CGNL1: variants seen among roughly 807,000 people sequenced by gnomAD.
CGNL1 encodes cingulin-like protein 1.
In CGNL1, 132 loss-of-function variants were observed where a neutral mutation model predicts 141.2. That is an observed-to-expected ratio of 0.93 (90% CI 0.81 to 1.08). The LOEUF is 1.08. CGNL1 is among the 50% of genes least tolerant of loss of function. The pLI is 0.00. For missense variants in CGNL1, 1,870 were observed against 1,588.6 expected (o/e 1.18, Z -3.01); for synonymous variants, 690 against 622.1 (o/e 1.11, Z -1.63).
At chr15:57,512,960 T>A (rs75299028) in intron 8 of CGNL1, among the ~76,000 whole-genome samples, 1 of 149,798 alleles carries the variant, frequency 6.7e-6, no homozygotes, top group Non-Finnish European at 1.5e-5. Flanking sequence ...TTTTTTTTTT[T>A]AAACAGCTGT....
chr15:57,518,550 G>A (rs1018827565), intron 10 of CGNL1, 53 bp downstream of exon 10: 6 of 1,213,792 alleles, frequency 4.9e-6, no homozygotes, highest in Non-Finnish European at 7.2e-6. Flanking sequence ...GCATAGAGAC[G>A]CAACACCAGA....
intron 11 of CGNL1, 104 bp downstream of exon 11, chr15:57,523,745 A>G: frequency 1.2e-5 from 15 of 1,220,022 alleles, no homozygotes; most frequent in Non-Finnish European, 1.7e-5. Flanking sequence ...CAGTAGGTCT[A>G]AGCACAAAAG....
rs554022471 is a variant in CGNL1, at chr15:57,521,865, G to A, written c.2716-1624G>A. 2.8e-4 allele frequency among the ~76,000 whole-genome samples: 43 copies of A among 152,208 alleles called. No homozygotes were observed. In the South Asian group the frequency reaches 6.9e-3, roughly 24 times the overall value. On this transcript the variant is annotated intron_variant, in intron 10 of 18. Coordinates refer to ENST00000281282, the MANE Select transcript of CGNL1 (RefSeq NM_032866.5). The stretch of plus-strand genomic sequence containing the variant: ...GGCTGGGGGATTCCTTTGGGGAGGG[G>A]GTTGAGTTGGATCCTGAAGGTTCTA...
chr15:57,438,247 A>T lies in CGNL1; in HGVS notation c.248A>T (p.Asn83Ile). 1 of 1,614,102 alleles carries T rather than the reference A, an allele frequency of 6.2e-7. No individual in the cohort carries two copies. The highest frequency in any genetic ancestry group is 1.1e-5 in the South Asian group (1 of 91,078). Residue 83 changes from asparagine (N) to isoleucine (I), a missense_variant, in exon 2 of 19, where the codon AAC becomes ATC. Asn to Ile is a moderately radical substitution (Grantham distance 149, BLOSUM62 -3). Coordinates refer to ENST00000281282, the MANE Select transcript of CGNL1 (RefSeq NM_032866.5). ...CCCTTTCCACCTCCAGTGATAAATAACCTGCCTCTACATTCCAGCAATGGT... is the reference window on the plus strand; with the variant it reads ...CCCTTTCCACCTCCAGTGATAAATATCCTGCCTCTACATTCCAGCAATGGT... ...GPPFPPPVIN[N>I]LPLHSSNGSV...
At chr15:57,504,138 T>C (rs1197118050) in intron 8 of CGNL1, among the ~76,000 whole-genome samples, 8 of 152,132 alleles carry the variant, frequency 5.3e-5, no homozygotes. Flanking sequence ...ATAATGATGA[T>C]GAGGGTTAGC....
chr15:57,471,523 C>T (rs1279601060), intron 8 of CGNL1, among the ~76,000 whole-genome samples: 2 of 152,208 alleles, frequency 1.3e-5, no homozygotes, highest in East Asian at 1.9e-4. Flanking sequence ...AATTCACAGG[C>T]AGCGTGCGGA....
intron 18 of CGNL1, 45 bp downstream of exon 18, chr15:57,546,284 A>G: frequency 6.6e-7 from 1 of 1,513,462 alleles, no homozygotes; most frequent in Non-Finnish European, 8.9e-7. Flanking sequence ...ATCTCCCCAC[A>G]GTTGAGACAG....
Position 57,516,931 on chromosome 15 carries a change from T to A in CGNL1, c.2555T>A (p.Ile852Asn). ...AGAGTTGCTCAGCTTCAAAGGCAGA[T>A]CGAGGACCTGAAAGGCGATGAAGCC... is the stretch of plus-strand genomic sequence containing the variant. ...ERRVAQLQRQ[I>N]EDLKGDEAKA... The change falls in exon 9 of 19, where the codon ATC becomes AAC. Residue 852 changes from isoleucine (I) to asparagine (N), a missense_variant. By Grantham distance (149) the Ile-to-Asn change is moderately radical. Coordinates refer to ENST00000281282, the MANE Select transcript of CGNL1 (RefSeq NM_032866.5). 6.2e-7 allele frequency: 1 copy of A among 1,613,516 alleles called. No individual in the cohort carries two copies. The highest frequency in any genetic ancestry group is 8.5e-7 in the Non-Finnish European group (1 of 1,180,000).
rs542528430 is a variant in CGNL1, at chr15:57,500,415, C to T, written c.2404-16365C>T. ...CATCAAGGCCATCAACTTCCCGCCACGGCTGAGATGTCCCTGTGTGACTTT... is the reference window on the plus strand; with the variant it reads ...CATCAAGGCCATCAACTTCCCGCCATGGCTGAGATGTCCCTGTGTGACTTT... On this transcript the variant is annotated intron_variant, in intron 8 of 18. Transcript: ENST00000281282. Among the ~76,000 whole-genome samples, 10 of 152,306 alleles carry T rather than the reference C, an allele frequency of 6.6e-5. No homozygotes were observed. The South Asian group carries it at 1.0e-3, about 16-fold the overall frequency.
chr15:57,446,169 C>G (rs77486743), intron 4 of CGNL1, among the ~76,000 whole-genome samples: 1,849 of 152,268 alleles, frequency 0.012, 45 homozygotes, highest in African/African-American at 0.042. Context: ...ACTTAGCAAA[C>G]AGATAAGTCT....
intron 4 of CGNL1, among the ~76,000 whole-genome samples, chr15:57,443,978 A>T (rs2063221930): frequency 6.6e-6 from 1 of 152,174 alleles, no homozygotes; most frequent in Non-Finnish European, 1.5e-5. Context: ...TATAAAGTAA[A>T]TTACACAAAT....
chr15:57,518,602 G>A, intron 10 of CGNL1, 105 bp downstream of exon 10: 1 of 755,462 alleles, frequency 1.3e-6, no homozygotes, highest in African/African-American at 1.7e-5. Flanking sequence ...TTTCCATGTA[G>A]CTCCCTTTCA....
chr15:57,426,120 A>C lies in CGNL1; in HGVS notation c.-15-11865A>C, dbSNP rs945117481. Among the ~76,000 whole-genome samples, 9 of 152,022 alleles carry C rather than the reference A, an allele frequency of 5.9e-5. No homozygotes were observed. In the East Asian group the frequency reaches 1.6e-3, roughly 26 times the overall value. The stretch of plus-strand genomic sequence containing the variant: ...CAGAGAGGAAGGGATTCTGCACTTA[A>C]GAAATGGCGCTAAGAAGAAGAAGAC... On this transcript the variant is annotated intron_variant, in intron 1 of 18. Coordinates refer to ENST00000281282, the MANE Select transcript of CGNL1 (RefSeq NM_032866.5).
intron 4 of CGNL1, among the ~76,000 whole-genome samples, chr15:57,445,385 C>T (rs1198798688): frequency 6.6e-6 from 1 of 152,188 alleles, no homozygotes; most frequent in Non-Finnish European, 1.5e-5. Flanking sequence ...TACTCCTCTT[C>T]CCTCCCTCTT....
rs80017669 is a variant in CGNL1, at chr15:57,472,659, C to T, written c.2403+10767C>T. Among the ~76,000 whole-genome samples, 697 of 152,180 alleles carry T rather than the reference C, an allele frequency of 4.6e-3. 5 individuals carry two copies. The highest frequency in any genetic ancestry group is 7.2e-3 in the Non-Finnish European group (488 of 68,018). ...TTACCTGTCCCTGTCTCTCCTGACTCCTGTGGAGAAAGGGATGGGAATAGG... is the reference window on the plus strand; with the variant it reads ...TTACCTGTCCCTGTCTCTCCTGACTTCTGTGGAGAAAGGGATGGGAATAGG... On this transcript the variant is annotated intron_variant, in intron 8 of 18. Transcript: ENST00000281282.
intron 1 of CGNL1, among the ~76,000 whole-genome samples, chr15:57,413,638 T>C (rs1414093031): frequency 4.6e-5 from 7 of 152,226 alleles, no homozygotes. Flanking sequence ...TTCTCTTTTC[T>C]TTTAAAAAAT....
intron 14 of CGNL1, among the ~76,000 whole-genome samples, chr15:57,540,028 G>C (rs1196505053): frequency 6.6e-6 from 1 of 152,066 alleles, no homozygotes; most frequent in East Asian, 1.9e-4. Context: ...TATGATTTTG[G>C]GTCCTGTGTG....
At chr15:57,503,866 A>G (rs969724281) in intron 8 of CGNL1, among the ~76,000 whole-genome samples, 7 of 152,136 alleles carry the variant, frequency 4.6e-5, no homozygotes, top group South Asian at 2.1e-4. Context: ...CCATGATTCA[A>G]TTACCTTCCC....
At chr15:57,393,415 T>A (rs138582555) in intron 1 of CGNL1, among the ~76,000 whole-genome samples, 2 of 152,142 alleles carry the variant, frequency 1.3e-5, no homozygotes, top group African/African-American at 2.4e-5. Flanking sequence ...GAAGAGTTTG[T>A]GTTTGAACAC....
Sources: allele counts gnomAD v4.1 joint callset (sites outside exome capture counted in the v4.1 genomes callset), GRCh38; gene constraint gnomAD v4.1.1; transcripts MANE v1.5; gene names NCBI Gene and HGNC (gene_info 2026-07-23, HGNC 2026-07-21).